SLC17A1: variants seen among roughly 807,000 people sequenced by gnomAD.
SLC17A1 encodes sodium-dependent phosphate transport protein 1.
In SLC17A1, 51 loss-of-function variants were observed where a neutral mutation model predicts 53.5. The observed-to-expected ratio is 0.95, with a 90% CI of 0.76 to 1.20. The LOEUF (loss-of-function observed/expected upper bound fraction) is 1.20. SLC17A1 is among the 50% of genes most tolerant of loss of function. SLC17A1 has a pLI of 0.00. For missense variants in SLC17A1, 538 were observed against 568.2 expected (o/e 0.95, Z 0.54); for synonymous variants, 179 against 198.8 (o/e 0.90, Z 0.84).
At chr6:25,815,131 C>T (rs1338623473) in intron 6 of SLC17A1, among the ~76,000 whole-genome samples, 2 of 136,822 alleles carry the variant, frequency 1.5e-5, no homozygotes, top group Non-Finnish European at 3.1e-5. Context: ...AAGAAACATA[C>T]TGGAAGGAAG....
In SLC17A1 at chr6:25,811,539, A is replaced by G. The variant is rs1326371609; in HGVS notation, c.1037T>C (p.Leu346Pro). ...VRKLFTAAGF[L>P]LPAIFGVCLP... Reference sequence around the variant, plus strand: ...GCAGACACCAAAGATTGCAGGAAGGAGAAATCCTGGGGAGTGATTCAGACA... The same window carrying G: ...GCAGACACCAAAGATTGCAGGAAGGGGAAATCCTGGGGAGTGATTCAGACA... Residue 346 changes from leucine (L) to proline (P), a missense_variant, in exon 10 of 13, where the codon CTC becomes CCC. Leu to Pro is a moderately conservative substitution (Grantham distance 98). Coordinates refer to ENST00000244527, the MANE Select transcript of SLC17A1 (RefSeq NM_005074.5). The G allele has an allele frequency of 6.2e-7, 1 of 1,613,940 alleles. No individual in the cohort carries two copies. Among genetic ancestry groups the G allele is most frequent in the East Asian group, 2.2e-5 (1 of 44,864 alleles).
chr6:25,773,289 GCTTGTTGTCCTCT>G, the SLC17A1 span: 27 of 1,613,732 alleles, frequency 1.7e-5, no homozygotes, highest in Non-Finnish European at 2.2e-5. Flanking sequence ...AATTGGCTGT[GCTTGTTGTCCTCT>G]CTGGTTTCCT....
At chr6:25,732,901 C>A in the SLC17A1 span, 1 of 253,154 alleles carries the variant, frequency 4.0e-6, no homozygotes, top group Non-Finnish European at 7.7e-6. Context: ...AAAACAAAAA[C>A]AAAAACCCCA....
chr6:25,725,371 A>G, the SLC17A1 span, among the ~76,000 whole-genome samples: 3 of 152,160 alleles, frequency 2.0e-5, no homozygotes, highest in East Asian at 3.9e-4. Context: ...AGTACGTGAA[A>G]CCACAGGTAT....
chr6:25,781,810 T>A (rs557232636), downstream of SLC17A1, among the ~76,000 whole-genome samples: 1 of 152,150 alleles, frequency 6.6e-6, no homozygotes, highest in East Asian at 1.9e-4. Flanking sequence ...CACAAACACC[T>A]CCTGCAAGTG....
intron 12 of SLC17A1, among the ~76,000 whole-genome samples, chr6:25,788,808 A>G (rs1429086797): frequency 1.3e-5 from 2 of 152,196 alleles, no homozygotes; most frequent in African/African-American, 4.8e-5. Flanking sequence ...TGATGGTGGC[A>G]CACAAGGGGA....
At chr6:25,752,040 G>A in the SLC17A1 span, among the ~76,000 whole-genome samples, 1 of 152,148 alleles carries the variant, frequency 6.6e-6, no homozygotes, top group East Asian at 1.9e-4. Flanking sequence ...TAATAATGCT[G>A]GCCACAGAAA....
chr6:25,773,900 T>C, the SLC17A1 span, among the ~76,000 whole-genome samples: 2 of 152,192 alleles, frequency 1.3e-5, no homozygotes, highest in Non-Finnish European at 2.9e-5. Flanking sequence ...TTGATTTTCA[T>C]ACACTATCAT....
At chr6:25,766,131 T>C in the SLC17A1 span, among the ~76,000 whole-genome samples, 35 of 150,552 alleles carry the variant, frequency 2.3e-4, no homozygotes, top group Admixed American at 2.0e-3. Context: ...ATTTAAAATA[T>C]AATTGAATTA....
the SLC17A1 span, chr6:25,726,266 T>C: frequency 2.2e-4 from 348 of 1,614,000 alleles, no homozygotes; most frequent in Non-Finnish European, 2.7e-4. Context: ...TCATTGCGGA[T>C]CGCTAGCTGC....
the SLC17A1 span, chr6:25,777,652 C>A: frequency 3.1e-6 from 1 of 319,408 alleles, no homozygotes; most frequent in Non-Finnish European, 5.7e-6. Flanking sequence ...GACCATCTTG[C>A]ATAAACAATG....
chr6:25,764,953 T>G, the SLC17A1 span, among the ~76,000 whole-genome samples: 15 of 152,192 alleles, frequency 9.9e-5, no homozygotes, highest in Non-Finnish European at 2.1e-4. Flanking sequence ...TTAGCTTCCC[T>G]TGAATTGGTG....
chr6:25,725,985 G>A, the SLC17A1 span: 210,455 of 696,872 alleles, frequency 0.3, 37,952 homozygotes, highest in East Asian at 0.71. Flanking sequence ...GCGCTTAAAC[G>A]GGCATTTGTG....
rs768118467 is a variant in SLC17A1, at chr6:25,819,613, G to C, written c.442-15C>G. 5.0e-6 allele frequency: 8 copies of C among 1,612,384 alleles called. No individual in the cohort carries two copies. Among genetic ancestry groups the C allele is most frequent in the African/African-American group, 2.7e-5 (2 of 74,870 alleles). On this transcript the variant is annotated splice_polypyrimidine_tract_variant and intron_variant, in intron 4 of 12. Transcript: ENST00000244527. Reference sequence around the variant, plus strand: ...GCAACTATCCCCTGAAATGAGAAAGGTTTGACATTTAATCTCTAATACTTC... The same window carrying C: ...GCAACTATCCCCTGAAATGAGAAAGCTTTGACATTTAATCTCTAATACTTC...
At chr6:25,740,269 C>T in the SLC17A1 span, among the ~76,000 whole-genome samples, 11 of 152,182 alleles carry the variant, frequency 7.2e-5, no homozygotes, top group Admixed American at 5.9e-4. Context: ...GACAATGATC[C>T]TAAACCTCAG....
At chr6:25,749,875 G>T in the SLC17A1 span, among the ~76,000 whole-genome samples, 1 of 152,158 alleles carries the variant, frequency 6.6e-6, no homozygotes, top group African/African-American at 2.4e-5. Flanking sequence ...CCATGAGACT[G>T]GCTGTAATGT....
chr6:25,777,985 C>G, downstream of SLC17A1: 2 of 1,612,870 alleles, frequency 1.2e-6, no homozygotes, highest in Non-Finnish European at 1.7e-6. Flanking sequence ...GGAGCCATCT[C>G]TCCTACTGCT....
At chr6:25,743,291 G>C in the SLC17A1 span, among the ~76,000 whole-genome samples, 1 of 152,132 alleles carries the variant, frequency 6.6e-6, no homozygotes, top group African/African-American at 2.4e-5. Flanking sequence ...AAAGCAAACT[G>C]AAACGAATGA....
chr6:25,773,035 C>A, the SLC17A1 span, among the ~76,000 whole-genome samples: 5 of 152,152 alleles, frequency 3.3e-5, no homozygotes, highest in Non-Finnish European at 7.4e-5. Context: ...TAAAAAAATC[C>A]TTTTTAATGC....
Sources: gnomAD v4.1 joint callset for allele counts (sites outside exome capture counted in the v4.1 genomes callset) on GRCh38, gnomAD v4.1.1 for gene constraint, MANE v1.5 for transcripts, NCBI Gene and HGNC (gene_info 2026-07-23, HGNC 2026-07-21) for gene names.